The following RCOR2 variants were observed in gnomAD, a reference collection of about 807,000 sequenced individuals.
RCOR2 encodes REST corepressor 2.
In RCOR2, 19 loss-of-function variants were observed where a neutral mutation model predicts 58.9. The observed-to-expected ratio is 0.32, with a 90% CI of 0.23 to 0.47. RCOR2 has a LOEUF of 0.47. Among genes scored for constraint, RCOR2 ranks in the 20% least tolerant of loss-of-function variants. The pLI, the probability that RCOR2 is intolerant of heterozygous loss-of-function variation, is 1.00. For missense variants in RCOR2, 590 were observed against 707.9 expected, an observed-to-expected ratio of 0.83 and a Z score of 1.89; for synonymous variants, 286 against 278.7, an observed-to-expected ratio of 1.03 and a Z score of -0.26.
At chr11:63,913,030 C>T in intron 8 of RCOR2, 83 bp from the exon 9 acceptor site, 1 of 1,141,622 alleles carries the variant, frequency 8.8e-7, no homozygotes, top group East Asian at 2.6e-5. Flanking sequence ...TACTTCTGCA[C>T]AGACACCAGC....
At chr11:63,915,299 C>G (rs1941840289) in intron 2 of RCOR2, 41 bp from the exon 3 acceptor site, 1 of 1,524,154 alleles carries the variant, frequency 6.6e-7, no homozygotes, top group Non-Finnish European at 8.9e-7. Context: ...CTCAGATCAG[C>G]CTGGTGGCAC....
At chr11:63,917,548 T>TTCCC (rs1210211153), upstream of RCOR2, among the ~76,000 whole-genome samples, 1 of 151,980 alleles carries the variant, frequency 6.6e-6, no homozygotes, top group African/African-American at 2.4e-5. Context: ...TTCCTTCCAT[T>TTCCC]TCCCTTCCTG....
chr11:63,912,386 C>T lies in RCOR2; in HGVS notation c.1176G>A (p.Gly392=), dbSNP rs1285075671. 1.2e-6 allele frequency: 2 copies of T among 1,613,792 alleles called. No individual in the cohort carries two copies. The highest frequency in any genetic ancestry group is 1.7e-6 in the Non-Finnish European group (2 of 1,179,960). ...VLQEWEAEQD[G]APGAPVPMEE... ...CCATGGGGACTGGGGCTCCAGGGGC[C>T]CCATCCTGCTCAGCCTCCCATTCCT... The change falls in exon 11 of 12, where the codon GGG becomes GGA. Residue 392 remains glycine (G), a synonymous_variant. Transcript: ENST00000301459.
chr11:63,926,366 T>C, the RCOR2 span, among the ~76,000 whole-genome samples: 2 of 152,182 alleles, frequency 1.3e-5, no homozygotes, highest in African/African-American at 4.8e-5. Context: ...ATGCCTTAGC[T>C]ACACTCAGCA....
rs969829293 is a variant in RCOR2, at chr11:63,916,997, G to C, written c.-541C>G. Among the ~76,000 whole-genome samples, 1 of 146,800 alleles carries C rather than the reference G, an allele frequency of 6.8e-6. No homozygotes were observed. Among genetic ancestry groups the C allele is most frequent in the East Asian group, 2.0e-4 (1 of 5,126 alleles). On this transcript the variant is annotated 5_prime_UTR_variant, in exon 1 of 12. Coordinates refer to ENST00000301459, the MANE Select transcript of RCOR2 (RefSeq NM_173587.4). The stretch of plus-strand genomic sequence containing the variant: ...GGCGGCGGCGGCGGCGACGGCGGCG[G>C]GACGGCGCGCACGGCGCGCGGCGCT...
At chr11:63,927,364 G>A in the RCOR2 span, among the ~76,000 whole-genome samples, 4 of 152,034 alleles carry the variant, frequency 2.6e-5, no homozygotes, top group Non-Finnish European at 5.9e-5. Context: ...CAATCTCCCC[G>A]GCTCAAGCAT....
upstream of RCOR2, among the ~76,000 whole-genome samples, chr11:63,920,564 G>A (rs1941909376): frequency 6.6e-6 from 1 of 152,222 alleles, no homozygotes; most frequent in Non-Finnish European, 1.5e-5. Context: ...GCAGCGGGAG[G>A]GCCCCGGGGT....
upstream of RCOR2, among the ~76,000 whole-genome samples, chr11:63,921,283 C>A (rs775230956): frequency 1.3e-5 from 2 of 152,196 alleles, no homozygotes; most frequent in Non-Finnish European, 2.9e-5. Flanking sequence ...AACAGCTGCG[C>A]CCTCTGGCGG....
At chr11:63,921,140 G>A (rs1941913428), upstream of RCOR2, among the ~76,000 whole-genome samples, 4 of 152,192 alleles carry the variant, frequency 2.6e-5, no homozygotes, top group Admixed American at 2.6e-4. Context: ...GACATCCCTG[G>A]GGAAGGGTCA....
the RCOR2 span, among the ~76,000 whole-genome samples, chr11:63,927,532 G>A: frequency 6.6e-6 from 1 of 152,080 alleles, no homozygotes; most frequent in Non-Finnish European, 1.5e-5. Context: ...GCCTCCCAAA[G>A]TTCTGGGATT....
At chr11:63,913,378 C>G in intron 8 of RCOR2, among the ~76,000 whole-genome samples, 1 of 150,542 alleles carries the variant, frequency 6.6e-6, no homozygotes, top group Admixed American at 6.6e-5. Flanking sequence ...TTAGTAGAGA[C>G]AGGGTTTCTC....
the RCOR2 span, among the ~76,000 whole-genome samples, chr11:63,925,052 C>T: frequency 2.0e-5 from 3 of 151,876 alleles, no homozygotes; most frequent in South Asian, 2.1e-4. Context: ...GGGGTTTCAC[C>T]GTGTTGGCCA....
chr11:63,925,025 GT>G, the RCOR2 span, among the ~76,000 whole-genome samples: 5 of 151,790 alleles, frequency 3.3e-5, no homozygotes, highest in African/African-American at 1.2e-4. Flanking sequence ...TAATTTTTTT[GT>G]ATTTTTAGTA....
chr11:63,913,511 C>G (rs1409940465), intron 8 of RCOR2, among the ~76,000 whole-genome samples: 2 of 51,820 alleles, frequency 3.9e-5, no homozygotes, highest in African/African-American at 8.2e-5. Context: ...GAGACGGAAT[C>G]TCACTCTGTC....
chr11:63,916,240 A>C, intron 1 of RCOR2, 90 bp downstream of exon 1: 1 of 1,182,528 alleles, frequency 8.5e-7, no homozygotes, highest in Non-Finnish European at 1.2e-6. Context: ...CATCAGTGTA[A>C]CAGGCTCGTG....
chr11:63,913,880 A>G (rs1330110125), intron 8 of RCOR2, 74 bp downstream of exon 8: 4 of 1,369,370 alleles, frequency 2.9e-6, no homozygotes, highest in Non-Finnish European at 4.2e-6. Context: ...CTTACACCTC[A>G]GCTCCCCCTA....
upstream of RCOR2, among the ~76,000 whole-genome samples, chr11:63,917,647 G>C (rs999376361): frequency 4.6e-5 from 7 of 152,194 alleles, no homozygotes; most frequent in African/African-American, 9.6e-5. Flanking sequence ...GGACAGGCAA[G>C]GAATGAATTC....
chr11:63,913,845 G>A (rs1941815179), intron 8 of RCOR2, 109 bp downstream of exon 8: 3 of 1,023,160 alleles, frequency 2.9e-6, no homozygotes, highest in Non-Finnish European at 4.6e-6. Flanking sequence ...CCCAGAGGAT[G>A]GGGCTCGGCC....
the RCOR2 span, among the ~76,000 whole-genome samples, chr11:63,925,013 G>T: frequency 6.6e-6 from 1 of 152,052 alleles, no homozygotes; most frequent in Non-Finnish European, 1.5e-5. Context: ...ACCACGCCCA[G>T]CTAATTTTTT....
Sources: gnomAD v4.1 joint callset for allele counts (sites outside exome capture counted in the v4.1 genomes callset) on GRCh38, gnomAD v4.1.1 for gene constraint, MANE v1.5 for transcripts, NCBI Gene and HGNC (gene_info 2026-07-23, HGNC 2026-07-21) for gene names.